Variants in KMT2D observed in about 807,000 individuals in gnomAD.
The protein encoded by KMT2D is lysine methyltransferase 2D.
Under a neutral mutation model 512.7 loss-of-function variants are expected in KMT2D, and 55 were observed. That is an observed-to-expected ratio of 0.11 (90% CI 0.09 to 0.13). The LOEUF is 0.13. Ranked by LOEUF, KMT2D falls within the 10% of genes least tolerant of loss-of-function variation. The probability of loss-of-function intolerance (pLI) is 1.00; values close to 1 mark genes in which losing one functional copy is unlikely to be tolerated. For missense variants in KMT2D, 6,061 were observed against 7,127.9 expected (o/e 0.85, Z 5.39); for synonymous variants, 2,995 against 2,904.0 (o/e 1.03, Z -1.01).
Position 49,040,637 on chromosome 12 carries a change from T to C in KMT2D, c.7133A>G (p.Tyr2378Cys), listed in dbSNP as rs1943467969. 1.3e-5 allele frequency: 21 copies of C among 1,613,196 alleles called. No homozygotes were observed. Among genetic ancestry groups the C allele is most frequent in the Non-Finnish European group, 1.7e-5 (20 of 1,179,624 alleles). The change falls in exon 32 of 55, where the codon TAT becomes TGT. Residue 2378 changes from tyrosine to cysteine, a missense_variant. Coordinates refer to ENST00000301067, the MANE Select transcript of KMT2D (RefSeq NM_003482.4). Reference protein sequence around the residue: ...IFRPGSYTDPYAQPPLTPRPQ... With the variant: ...IFRPGSYTDPCAQPPLTPRPQ... ...CCGAGGAGTCAATGGGGGCTGAGCA[T>C]ATGGGTCAGTGTAGGAGCCAGGGCG... is the stretch of plus-strand genomic sequence containing the variant.
At chr12:49,058,148 C>A (rs1938521693) in intron 1 of KMT2D, among the ~76,000 whole-genome samples, 1 of 152,198 alleles carries the variant, frequency 6.6e-6, no homozygotes, top group African/African-American at 2.4e-5. Flanking sequence ...CATTTTGGGT[C>A]ACCCCTCCGA....
At chr12:49,029,576 T>C in intron 43 of KMT2D, 100 bp from the exon 44 acceptor site, 1 of 827,678 alleles carries the variant, frequency 1.2e-6, no homozygotes, top group East Asian at 2.7e-5. Flanking sequence ...AGATCTCAGC[T>C]ATCATGATTA....
At position 49,040,784 on chromosome 12, in the gene KMT2D, G is replaced by A; in HGVS notation, c.6986C>T (p.Ala2329Val). Reference protein sequence around the residue: ...LELKTPDVFKAPLTPRASQVE... With the variant: ...LELKTPDVFKVPLTPRASQVE... Reference sequence around the variant, plus strand: ...CTGAGATGCCCGAGGGGTCAGGGGGGCTTTGAAGACATCAGGTGTCTTTAA... The same window carrying A: ...CTGAGATGCCCGAGGGGTCAGGGGGACTTTGAAGACATCAGGTGTCTTTAA... Residue 2329 changes from alanine to valine, a missense_variant, in exon 32 of 55, where the codon GCC becomes GTC. Coordinates refer to ENST00000301067, the MANE Select transcript of KMT2D (RefSeq NM_003482.4). The A allele has an allele frequency of 1.9e-6, 3 of 1,613,666 alleles. No homozygotes were observed. Among genetic ancestry groups the A allele is most frequent in the Non-Finnish European group, 2.5e-6 (3 of 1,179,746 alleles).
rs756753478 is a variant in KMT2D, at chr12:49,042,042, C to T, written c.6109+47G>A. The T allele has an allele frequency of 1.1e-5, 17 of 1,612,056 alleles. No individual in the cohort carries two copies. The South Asian group carries it at 1.6e-4, about 16-fold the overall frequency. On this transcript the variant is annotated intron_variant, in intron 29 of 54. Transcript: ENST00000301067. The surrounding 1 kb of genome is among the most constrained non-coding windows in gnomAD (Gnocchi z 4.4). ...GAAGACTTGGCAGGCGACTCCTCCA[C>T]CTGCCATGTTGCCAGGCTGTCTCCC...
rs1393820704 is a variant in KMT2D, at chr12:49,034,807, C to T, written c.10355+5G>A. 1 of 1,613,680 alleles carries T rather than the reference C, an allele frequency of 6.2e-7. No homozygotes were observed. Among genetic ancestry groups the T allele is most frequent in the Admixed American group, 1.7e-5 (1 of 60,012 alleles). On this transcript the variant is annotated splice_donor_5th_base_variant and intron_variant, in intron 36 of 54. Transcript: ENST00000301067. ...GGCCAACCCCATTCCAGCCCTGAGT[C>T]TTACCTGTTCATACCAGGTGCCACC...
At chr12:49,059,434 G>A (rs1178364230) in intron 1 of KMT2D, among the ~76,000 whole-genome samples, 179 bp downstream of exon 1, 1 of 152,160 alleles carries the variant, frequency 6.6e-6, no homozygotes, top group Non-Finnish European at 1.5e-5. Flanking sequence ...CAAGACACCA[G>A]GCCTCAGTTC....
rs769831046 is a variant in KMT2D at position 49,042,513 on chromosome 12, G to A, written c.5867+48C>T. 4.4e-5 allele frequency: 70 copies of A among 1,588,854 alleles called. No homozygotes were observed. Among genetic ancestry groups the A allele is most frequent in the Non-Finnish European group, 6.0e-5 (70 of 1,162,656 alleles). On this transcript the variant is annotated intron_variant, in intron 28 of 54. Transcript: ENST00000301067. This position sits in a 1 kb window ranked among gnomAD's most constrained non-coding sequence, Gnocchi z 4.4. ...AGGCAAAGCATGAACTCAGATGGAGGGAAAGGACAACGAGGACTGCCCACA... is the reference window on the plus strand; with the variant it reads ...AGGCAAAGCATGAACTCAGATGGAGAGAAAGGACAACGAGGACTGCCCACA...
At chr12:49,048,632 A>G (rs1193762006) in intron 14 of KMT2D, 27 bp downstream of exon 14, 1 of 1,414,618 alleles carries the variant, frequency 7.1e-7, no homozygotes, top group African/African-American at 1.4e-5. Context: ...CACAATGTTC[A>G]GTGTGCCAGG....
intron 1 of KMT2D, among the ~76,000 whole-genome samples, chr12:49,058,832 A>AT (rs1402613473): frequency 1.3e-5 from 2 of 152,118 alleles, no homozygotes; most frequent in South Asian, 2.1e-4. Context: ...GACAAAAGCC[A>AT]TTTTTTGCAG....
rs540070774 is a variant in KMT2D, at chr12:49,046,435, C to T, written c.4419-11G>A. On this transcript the variant is annotated splice_polypyrimidine_tract_variant and intron_variant, in intron 16 of 54. Transcript: ENST00000301067. The surrounding 1 kb of genome is among the most constrained non-coding windows in gnomAD (Gnocchi z 4.2). The stretch of plus-strand genomic sequence containing the variant: ...ATACAGGACACACACCTGATAGGAG[C>T]AGGAAAACAGAGCTTTAGCACCCAA... 9.9e-6 allele frequency: 16 copies of T among 1,612,074 alleles called. No homozygotes were observed. The African/African-American group carries it at 1.2e-4, about 12-fold the overall frequency.
rs1314554439 is a variant in KMT2D, at chr12:49,050,707, A to C, written c.2881T>G (p.Phe961Val). 2 of 1,613,518 alleles carry C rather than the reference A, an allele frequency of 1.2e-6. No individual in the cohort carries two copies. The change falls in exon 12 of 55, where the codon TTT becomes GTT. Residue 961 changes from phenylalanine to valine, a missense_variant. Around this residue, in one of 16 missense-constraint regions of KMT2D, gnomAD observed 848 missense variants for 838.5 expected, o/e 1.01. Transcript: ENST00000301067. ...GGGTCACTGTCCCCTTTGGCACCAA[A>C]GGGGTACTCTAACTCCCCCAAAGGA... ...LSPLGELEYPFGAKGDSDPES... is the reference protein window; with the variant it reads ...LSPLGELEYPVGAKGDSDPES...
rs750243576 is a variant in KMT2D at position 49,034,817 on chromosome 12, C to T, written c.10350G>A (p.Met3450Ile). 1 of 1,613,812 alleles carries T rather than the reference C, an allele frequency of 6.2e-7. No individual in the cohort carries two copies. Among genetic ancestry groups the T allele is most frequent in the Non-Finnish European group, 8.5e-7 (1 of 1,179,884 alleles). ...AQGSIGVAPGMNRQQVSLLAQ... is the reference protein window; with the variant it reads ...AQGSIGVAPGINRQQVSLLAQ... ...ATTCCAGCCCTGAGTCTTACCTGTT[C>T]ATACCAGGTGCCACCCCAATGCTGC... The change falls in exon 36 of 55, where the codon ATG becomes ATA. Residue 3450 changes from methionine (M) to isoleucine (I), a missense_variant. By Grantham distance (10) the Met-to-Ile change is conservative. Coordinates refer to ENST00000301067, the MANE Select transcript of KMT2D (RefSeq NM_003482.4).
chr12:49,028,985 AC>A (rs745478758), intron 45 of KMT2D, 27 bp from the exon 46 acceptor site: 2 of 1,612,118 alleles, frequency 1.2e-6, no homozygotes, highest in East Asian at 4.5e-5. Context: ...AATTTGTGTA[AC>A]ACTTGGCCGC....
At position 49,038,060 on chromosome 12, in the gene KMT2D, C is replaced by G; in HGVS notation, c.9296G>C (p.Arg3099Pro). 6.2e-7 allele frequency: 1 copy of G among 1,612,564 alleles called. No homozygotes were observed. The highest frequency in any genetic ancestry group is 1.7e-5 in the Admixed American group (1 of 59,798). Residue 3099 changes from arginine to proline, a missense_variant, in exon 35 of 55, where the codon CGC (arginine) becomes CCC (proline). Arg to Pro is a moderately radical substitution (Grantham distance 103, BLOSUM62 -2). Transcript: ENST00000301067. This position sits in a 1 kb window ranked among gnomAD's most constrained non-coding sequence, Gnocchi z 5.7. ...VEPGPLGPEERPPPAADASEP... is the reference protein window; with the variant it reads ...VEPGPLGPEEPPPPAADASEP... ...AGAGGCATCAGCAGCAGGGGGAGGG[C>G]GCTCCTCAGGGCCCAAGGGTCCTGG...
Position 49,031,317 on chromosome 12 carries a change from A to C in KMT2D, c.13388T>G (p.Leu4463Trp). 1 of 1,613,566 alleles carries C rather than the reference A, an allele frequency of 6.2e-7. No homozygotes were observed. Among genetic ancestry groups the C allele is most frequent in the Non-Finnish European group, 8.5e-7 (1 of 1,179,882 alleles). The change falls in exon 40 of 55, where the codon TTG becomes TGG. Residue 4463 changes from leucine to tryptophan, a missense_variant. This residue lies in a region of KMT2D where 1,600 missense variants were observed against 1,754.9 expected (regional missense o/e 0.91). Coordinates refer to ENST00000301067, the MANE Select transcript of KMT2D (RefSeq NM_003482.4). ...GPRSEAGHLL[L>W]QKLLRAKNVQ... ...ATTCTTTGCCCGGAGTAGCTTCTGC[A>C]AGAGCAGATGCCCAGCTTCTGAGCG...
chr12:49,026,006 A>G lies in KMT2D; in HGVS notation c.15784+176T>C, dbSNP rs1237039281. ...CAACTACAAGGGAATTTAGGGTGACAAGAGAGGCTCAAACACTTTCACTGG... is the reference window on the plus strand; with the variant it reads ...CAACTACAAGGGAATTTAGGGTGACGAGAGAGGCTCAAACACTTTCACTGG... On this transcript the variant is annotated intron_variant, in intron 49 of 54. Transcript: ENST00000301067. This position sits in a 1 kb window ranked among gnomAD's most constrained non-coding sequence, Gnocchi z 9.6. Among the ~76,000 whole-genome samples the G allele has an allele frequency of 1.3e-5, 2 of 152,206 alleles. No individual in the cohort carries two copies. The highest frequency in any genetic ancestry group is 2.9e-5 in the Non-Finnish European group (2 of 68,030).
chr12:49,052,494 C>A (rs1213914980), intron 10 of KMT2D, 70 bp from the exon 11 acceptor site: 21 of 1,573,992 alleles, frequency 1.3e-5, no homozygotes, highest in Non-Finnish European at 1.8e-5. Context: ...GGGTCTGGGG[C>A]AATGCACAAA....
rs1343563508 is a variant in KMT2D at position 49,040,740 on chromosome 12, C to T, written c.7030G>A (p.Gly2344Ser). The T allele has an allele frequency of 5.6e-6, 9 of 1,613,336 alleles. No homozygotes were observed. In the African/African-American group the frequency reaches 1.2e-4, roughly 22 times the overall value. Residue 2344 changes from glycine (G) to serine (S), a missense_variant, in exon 32 of 55, where the codon GGC (glycine) becomes AGC (serine). Around this residue, in one of 16 missense-constraint regions of KMT2D, gnomAD observed 710 missense variants for 647.3 expected, o/e 1.10. Transcript: ENST00000301067. ...RASQVEPQSPGLGLRPQEPPP... is the reference protein window; with the variant it reads ...RASQVEPQSPSLGLRPQEPPP... ...GGCTCCTGGGGCCTTAGGCCCAAGC[C>T]CGGGCTCTGGGGCTCTACCTGAGAT...
chr12:49,034,965 C>G (rs751708885), intron 35 of KMT2D, 30 bp from the exon 36 acceptor site: 1 of 1,612,562 alleles, frequency 6.2e-7, no homozygotes, highest in Non-Finnish European at 8.5e-7. Context: ...GTGAGCTGGG[C>G]TATGGGGCCA....
Sources: gnomAD v4.1 joint callset for allele counts (sites outside exome capture counted in the v4.1 genomes callset) on GRCh38, gnomAD v4.1.1 for gene constraint, gnomAD v4.1.1 regional missense constraint, Gnocchi (gnomAD v3.1) non-coding constraint, MANE v1.5 for transcripts, NCBI Gene and HGNC (gene_info 2026-07-23, HGNC 2026-07-21) for gene names.